CNBD1: variants seen among roughly 807,000 people sequenced by gnomAD.
CNBD1 encodes the protein cyclic nucleotide binding domain containing 1.
In CNBD1, 71 loss-of-function variants were observed where a neutral mutation model predicts 54.4. The observed-to-expected ratio is 1.30, with a 90% CI of 1.08 to 1.59. The LOEUF (loss-of-function observed/expected upper bound fraction) is 1.59, where lower values mean the gene tolerates loss of function less well. Among genes scored for constraint, CNBD1 ranks in the 40% most tolerant of loss-of-function variants. The pLI is 0.00. For missense variants in CNBD1, 659 were observed against 518.0 expected (o/e 1.27, Z -2.64); for synonymous variants, 182 against 170.7 (o/e 1.07, Z -0.51).
At chr8:87,025,660 A>G (rs1809627280) in intron 4 of CNBD1, among the ~76,000 whole-genome samples, 1 of 152,190 alleles carries the variant, frequency 6.6e-6, no homozygotes, top group Non-Finnish European at 1.5e-5. Flanking sequence ...CAGCAAGACA[A>G]CGAACCCAGT....
chr8:87,426,404 G>A lies in CNBD1; in HGVS notation c.214-2142G>A, dbSNP rs188209115. Among the ~76,000 whole-genome samples, 7 of 152,270 alleles carry A rather than the reference G, an allele frequency of 4.6e-5. No individual in the cohort carries two copies. The South Asian group carries it at 1.2e-3, about 27-fold the overall frequency. The stretch of plus-strand genomic sequence containing the variant: ...TCATGATCGGAGTAATGTAAGGTTG[G>A]TATAAAAACTTGAATAATAATGCTA... On this transcript the variant is annotated intron_variant, in intron 2 of 7. Transcript: ENST00000521593.
intron 2 of CNBD1, among the ~76,000 whole-genome samples, chr8:87,390,156 C>T (rs1037020742): frequency 6.6e-5 from 10 of 152,040 alleles, no homozygotes; most frequent in African/African-American, 2.2e-4. Flanking sequence ...TAGGAGAAAA[C>T]CTAGGCAATA....
intron 1 of CNBD1, among the ~76,000 whole-genome samples, chr8:86,869,240 C>T (rs1808407134): frequency 6.6e-6 from 1 of 152,154 alleles, no homozygotes; most frequent in Admixed American, 6.5e-5. Context: ...AATACGTGTT[C>T]CAGTTTACAC....
At chr8:87,155,301 T>C (rs1033845822) in intron 4 of CNBD1, among the ~76,000 whole-genome samples, 4 of 152,152 alleles carry the variant, frequency 2.6e-5, no homozygotes, top group African/African-American at 9.7e-5. Flanking sequence ...CTGTAGATAA[T>C]TGGGAACCAC....
intron 4 of CNBD1, among the ~76,000 whole-genome samples, chr8:87,121,480 T>C (rs765547983): frequency 1.3e-5 from 2 of 151,874 alleles, no homozygotes; most frequent in South Asian, 2.1e-4. Flanking sequence ...TTCAAGCCAA[T>C]TGACATATTA....
At chr8:87,022,374 CT>C (rs563237618) in intron 4 of CNBD1, among the ~76,000 whole-genome samples, 1 of 152,124 alleles carries the variant, frequency 6.6e-6, no homozygotes, top group South Asian at 2.1e-4. Context: ...TGGGGCCCCT[CT>C]TTGTTGTTAA....
At chr8:87,060,259 G>A (rs1373152543) in intron 4 of CNBD1, among the ~76,000 whole-genome samples, 2 of 151,964 alleles carry the variant, frequency 1.3e-5, no homozygotes, top group African/African-American at 2.4e-5. Flanking sequence ...TAGGAACTGG[G>A]GCACAATAAA....
intron 4 of CNBD1, among the ~76,000 whole-genome samples, chr8:87,175,366 C>T (rs534025403): frequency 6.6e-6 from 1 of 152,286 alleles, no homozygotes; most frequent in Admixed American, 6.5e-5. Flanking sequence ...CTGAAGTCAG[C>T]ACATCTCAGA....
chr8:86,928,460 G>T (rs1222312203), intron 3 of CNBD1, among the ~76,000 whole-genome samples: 1 of 152,102 alleles, frequency 6.6e-6, no homozygotes, highest in African/African-American at 2.4e-5. Flanking sequence ...TGTATCCCTA[G>T]CGCCCTGGAA....
intron 4 of CNBD1, among the ~76,000 whole-genome samples, chr8:87,019,917 A>G (rs1444733517): frequency 6.6e-6 from 1 of 152,156 alleles, no homozygotes; most frequent in Non-Finnish European, 1.5e-5. Flanking sequence ...TTCTAATTTA[A>G]TGTTGGTCCT....
In CNBD1 at chr8:87,093,218, G is replaced by A. The variant is rs562888984; in HGVS notation, c.432-112775G>A. 3.3e-5 allele frequency among the ~76,000 whole-genome samples: 5 copies of A among 152,308 alleles called. No homozygotes were observed. The South Asian group carries it at 1.0e-3, about 32-fold the overall frequency. Reference sequence around the variant, plus strand: ...GATCCCTGAGTCTTTCCATTCGTGGGAAACTTGGGTTGTTGAGAGCTAATT... The same window carrying A: ...GATCCCTGAGTCTTTCCATTCGTGGAAAACTTGGGTTGTTGAGAGCTAATT... On this transcript the variant is annotated intron_variant, in intron 4 of 10. Transcript: ENST00000518476.
chr8:87,260,345 C>A (rs959454831), intron 6 of CNBD1, among the ~76,000 whole-genome samples: 22 of 152,222 alleles, frequency 1.4e-4, no homozygotes, highest in African/African-American at 4.8e-4. Flanking sequence ...ATTTCAGGGA[C>A]CTGCAGCAAA....
chr8:86,903,915 A>G (rs1008360619), intron 2 of CNBD1, among the ~76,000 whole-genome samples: 1 of 151,976 alleles, frequency 6.6e-6, no homozygotes, highest in African/African-American at 2.4e-5. Context: ...GTCAGATTTT[A>G]AAAAGATTCG....
intron 4 of CNBD1, among the ~76,000 whole-genome samples, chr8:87,198,510 A>G (rs1322068050): frequency 1.3e-5 from 2 of 152,254 alleles, no homozygotes; most frequent in Non-Finnish European, 2.9e-5. Context: ...ACAGCAAACA[A>G]TATCCCGAGG....
intron 8 of CNBD1, among the ~76,000 whole-genome samples, chr8:87,307,748 T>TTATATATATATA (rs35262193): frequency 0.03 from 4,108 of 137,822 alleles, 85 homozygotes; most frequent in Non-Finnish European, 0.042. Context: ...AAAAAAAAAA[T>TTATATATATATA]TATATATATA....
At chr8:87,215,811 T>G (rs1255073575) in intron 5 of CNBD1, among the ~76,000 whole-genome samples, 1 of 152,142 alleles carries the variant, frequency 6.6e-6, no homozygotes, top group Non-Finnish European at 1.5e-5. Flanking sequence ...TTAAAAATAT[T>G]TTGGAACCAT....
At chr8:87,170,727 T>C (rs929498295) in intron 4 of CNBD1, among the ~76,000 whole-genome samples, 1 of 152,202 alleles carries the variant, frequency 6.6e-6, no homozygotes, top group Non-Finnish European at 1.5e-5. Flanking sequence ...CTTGAAGGGA[T>C]GTTGAATTTT....
intron 8 of CNBD1, among the ~76,000 whole-genome samples, chr8:87,324,013 G>A (rs1202616503): frequency 2.3e-5 from 3 of 128,900 alleles, no homozygotes; most frequent in Admixed American, 1.5e-4. Context: ...TTAGCATGAA[G>A]GGTTGTTGAA....
At chr8:87,085,010 G>GT (rs1368830839) in intron 4 of CNBD1, among the ~76,000 whole-genome samples, 2 of 152,150 alleles carry the variant, frequency 1.3e-5, no homozygotes, top group Admixed American at 6.5e-5. Context: ...CTTATGTTGT[G>GT]TTTTTTTCTA....
Sources: gnomAD v4.1 joint callset for allele counts (sites outside exome capture counted in the v4.1 genomes callset) on GRCh38, gnomAD v4.1.1 for gene constraint, MANE v1.5 for transcripts, NCBI Gene and HGNC (gene_info 2026-07-23, HGNC 2026-07-21) for gene names.